Variants in GRIA2 observed in about 807,000 individuals in gnomAD.
GRIA2 encodes glutamate ionotropic receptor AMPA type subunit 2, also known as glutamate receptor 2.
In GRIA2, 14 loss-of-function variants were observed where a neutral mutation model predicts 97.3. The ratio of observed to expected loss-of-function variants is 0.14; its 90% CI spans 0.10 to 0.23. The LOEUF is 0.23. Among genes scored for constraint, GRIA2 ranks in the 10% least tolerant of loss-of-function variants. GRIA2 has a pLI of 1.00. For synonymous variants in GRIA2, 412 were observed against 387.8 expected, an observed-to-expected ratio of 1.06 and a Z score of -0.73; for missense variants, 558 against 1,069.8, an observed-to-expected ratio of 0.52 and a Z score of 6.67.
chr4:157,360,205 A>T, intron 13 of GRIA2, 62 bp downstream of exon 13: 1 of 1,527,888 alleles, frequency 6.5e-7, no homozygotes, highest in African/African-American at 1.4e-5. Flanking sequence ...ACCCTGATGT[A>T]TCTTTAAGAC....
Position 157,271,062 on chromosome 4 carries a change from A to C in GRIA2, c.230-32490A>C, listed in dbSNP as rs149864356. 5.9e-3 allele frequency among the ~76,000 whole-genome samples: 901 copies of C among 152,160 alleles called. 7 individuals carry two copies. The highest frequency in any genetic ancestry group is 0.02 in the African/African-American group (830 of 41,542). On this transcript the variant is annotated intron_variant, in intron 2 of 15. Transcript: ENST00000264426. ...GATAACTAACCATATTAGAATATAGATTATTACTGGTTCATACTAGTAGCG... is the reference window on the plus strand; with the variant it reads ...GATAACTAACCATATTAGAATATAGCTTATTACTGGTTCATACTAGTAGCG...
chr4:157,347,991 G>A (rs919376469), intron 12 of GRIA2, among the ~76,000 whole-genome samples: 1 of 151,896 alleles, frequency 6.6e-6, no homozygotes, highest in Non-Finnish European at 1.5e-5. Context: ...GAGCGTGACG[G>A]CACGTGCCCA....
At chr4:157,358,618 T>A (rs1736497223) in intron 12 of GRIA2, among the ~76,000 whole-genome samples, 1 of 152,142 alleles carries the variant, frequency 6.6e-6, no homozygotes, top group South Asian at 2.1e-4. Context: ...GCTGAAATGA[T>A]CCATGAGCCT....
At chr4:157,257,974 G>T (rs1391861279) in intron 2 of GRIA2, among the ~76,000 whole-genome samples, 1 of 152,032 alleles carries the variant, frequency 6.6e-6, no homozygotes, top group Non-Finnish European at 1.5e-5. Context: ...AAATTGTGAA[G>T]ATTTCATGGA....
Position 157,335,683 on chromosome 4 carries a change from G to A in GRIA2, c.1279G>A (p.Val427Ile). The change falls in exon 10 of 16, where the codon GTT (valine) becomes ATT (isoleucine). Residue 427 changes from valine (V) to isoleucine (I), a missense_variant. Coordinates refer to ENST00000264426, the MANE Select transcript of GRIA2 (RefSeq NM_001083619.3). Reference protein sequence around the residue: ...VVTTILESPYVMMKKNHEMLE... With the variant: ...VVTTILESPYIMMKKNHEMLE... ...TCTTTTCATATAGGAATCTCCGTATGTTATGATGAAGAAAAATCATGAAAT... is the reference window on the plus strand; with the variant it reads ...TCTTTTCATATAGGAATCTCCGTATATTATGATGAAGAAAAATCATGAAAT... 1 of 1,601,900 alleles carries A rather than the reference G, an allele frequency of 6.2e-7. No homozygotes were observed. The highest frequency in any genetic ancestry group is 2.2e-5 in the East Asian group (1 of 44,770).
At position 157,348,352 on chromosome 4, in the gene GRIA2, A is replaced by G. The variant is rs1283680976; in HGVS notation, c.2043+6890A>G. ...CTGCAACCTCAACCTCCTGGCTTGA[A>G]CTGATCCTCCTGAGTAGCTGGGACC... On this transcript the variant is annotated intron_variant, in intron 12 of 15. Coordinates refer to ENST00000264426, the MANE Select transcript of GRIA2 (RefSeq NM_001083619.3). 2.6e-5 allele frequency among the ~76,000 whole-genome samples: 4 copies of G among 151,896 alleles called. No homozygotes were observed. The East Asian group carries it at 5.8e-4, about 22-fold the overall frequency.
At chr4:157,327,139 G>A (rs1734838989) in intron 6 of GRIA2, among the ~76,000 whole-genome samples, 1 of 152,120 alleles carries the variant, frequency 6.6e-6, no homozygotes, top group Non-Finnish European at 1.5e-5. Flanking sequence ...AGAGATATTT[G>A]TGGGTTAGAA....
At chr4:157,301,830 T>G (rs961830278) in intron 2 of GRIA2, among the ~76,000 whole-genome samples, 8 of 152,078 alleles carry the variant, frequency 5.3e-5, no homozygotes, top group South Asian at 2.1e-4. Context: ...TTCCAGTTTT[T>G]GGATTGAAAT....
chr4:157,360,576 A>C, intron 13 of GRIA2: 1 of 404,176 alleles, frequency 2.5e-6, no homozygotes, highest in South Asian at 1.9e-5. Flanking sequence ...CCACTTTTTA[A>C]TTTTCATTTT....
At chr4:157,285,929 C>A (rs1465808618) in intron 2 of GRIA2, among the ~76,000 whole-genome samples, 1 of 151,414 alleles carries the variant, frequency 6.6e-6, no homozygotes, top group Non-Finnish European at 1.5e-5. Context: ...GATTAAGTAA[C>A]TTGGCAAATA....
At chr4:157,318,112 A>G (rs1159753313) in intron 5 of GRIA2, among the ~76,000 whole-genome samples, 1 of 152,162 alleles carries the variant, frequency 6.6e-6, no homozygotes, top group Non-Finnish European at 1.5e-5. Flanking sequence ...AAGAATTTAT[A>G]GAACAATATT....
intron 2 of GRIA2, among the ~76,000 whole-genome samples, chr4:157,293,717 C>T (rs952937997): frequency 1.3e-5 from 2 of 152,040 alleles, no homozygotes; most frequent in Non-Finnish European, 2.9e-5. Context: ...AAATAAGCTA[C>T]AAATCCTTTC....
At chr4:157,258,318 G>C (rs1731371577) in intron 2 of GRIA2, among the ~76,000 whole-genome samples, 1 of 151,976 alleles carries the variant, frequency 6.6e-6, no homozygotes, top group African/African-American at 2.4e-5. Flanking sequence ...CCCTGAGAAA[G>C]AGAATGCATT....
At chr4:157,351,822 A>C (rs1736023291) in intron 12 of GRIA2, among the ~76,000 whole-genome samples, 1 of 152,192 alleles carries the variant, frequency 6.6e-6, no homozygotes, top group Admixed American at 6.5e-5. Context: ...CCTTGTGAAG[A>C]AGGTGCCTTG....
At chr4:157,363,332 T>C in intron 15 of GRIA2, 103 bp from the exon 16 acceptor site, 2 of 701,628 alleles carry the variant, frequency 2.9e-6, no homozygotes, top group Non-Finnish European at 4.0e-6. Flanking sequence ...AGCTTTCAGA[T>C]AGAAGTAAAC....
At position 157,365,146 on chromosome 4, in the gene GRIA2, T is replaced by C. The variant is rs1438537896; in HGVS notation, c.*1715T>C. 1 of 151,682 alleles carries C rather than the reference T, an allele frequency of 6.6e-6. No individual in the cohort carries two copies. Among genetic ancestry groups the C allele is most frequent in the Non-Finnish European group, 1.5e-5 (1 of 67,740 alleles). 9.4% of individuals were successfully genotyped at this position (151,682 alleles called of 1,614,324 possible). ...AAACATTCTTACTTACCGTATTTCA[T>C]AGAAGGGAAGGAAAAATGTAAGGTT... On this transcript the variant is annotated 3_prime_UTR_variant, in exon 16 of 16. Coordinates refer to ENST00000264426, the MANE Select transcript of GRIA2 (RefSeq NM_001083619.3).
intron 2 of GRIA2, among the ~76,000 whole-genome samples, chr4:157,296,027 T>A (rs1733333565): frequency 6.6e-6 from 1 of 152,174 alleles, no homozygotes; most frequent in South Asian, 2.1e-4. Flanking sequence ...GGCAAAAAAA[T>A]TTACCTCATT....
At chr4:157,313,327 C>A (rs1167544235) in intron 4 of GRIA2, among the ~76,000 whole-genome samples, 1 of 151,904 alleles carries the variant, frequency 6.6e-6, no homozygotes, top group African/African-American at 2.4e-5. Context: ...GTTATCTTTG[C>A]AAGATATATT....
chr4:157,350,036 T>A (rs1735939992), intron 12 of GRIA2, among the ~76,000 whole-genome samples: 1 of 152,188 alleles, frequency 6.6e-6, no homozygotes, highest in Admixed American at 6.5e-5. Context: ...CCTTATGAAT[T>A]CGTTAAGAGT....
Sources: gnomAD v4.1 joint callset for allele counts (sites outside exome capture counted in the v4.1 genomes callset) on GRCh38, gnomAD v4.1.1 for gene constraint, MANE v1.5 for transcripts, NCBI Gene and HGNC (gene_info 2026-07-23, HGNC 2026-07-21) for gene names.